FUT6: variants seen among roughly 807,000 people sequenced by gnomAD.
FUT6 encodes 4-galactosyl-N-acetylglucosaminide 3-alpha-L-fucosyltransferase FUT6.
For missense variants in FUT6, 454 were observed against 494.6 expected, an observed-to-expected ratio of 0.92 and a Z score of 0.78; for synonymous variants, 187 against 209.9, an observed-to-expected ratio of 0.89 and a Z score of 0.94.
Position 5,832,028 on chromosome 19 carries a change from G to A in FUT6, c.540C>T (p.His180=), listed in dbSNP as rs754518887. 1 of 1,613,768 alleles carries A rather than the reference G, an allele frequency of 6.2e-7. No homozygotes were observed. Among genetic ancestry groups the A allele is most frequent in the Non-Finnish European group, 8.5e-7 (1 of 1,180,014 alleles). Residue 180 remains histidine, a synonymous_variant, in exon 3 of 3, where the codon CAC becomes CAT. Coordinates refer to ENST00000318336, the MANE Select transcript of FUT6 (RefSeq NM_000150.4). The surrounding 1 kb of genome is among the most constrained non-coding windows in gnomAD (Gnocchi z 4.3). The stretch of plus-strand genomic sequence containing the variant: ...TCTTGGCCGAGAGGTTGAGCGGTGG[G>A]TGGGCAGGCTGGCCGGACCACGGCT... The part of the protein sequence containing the change: ...WLEPWSGQPA[H]PPLNLSAKTE...
At position 5,832,925 on chromosome 19, in the gene FUT6, G is replaced by A. The variant is rs530324432; in HGVS notation, c.-12-346C>T. ...CTCAATCTGGAGAGAAGACACAGCC[G>A]ATCATAAATGCCCCCCAGTGCCCCT... is the stretch of plus-strand genomic sequence containing the variant. On this transcript the variant is annotated intron_variant, in intron 2 of 2. Coordinates refer to ENST00000318336, the MANE Select transcript of FUT6 (RefSeq NM_000150.4). This position sits in a 1 kb window ranked among gnomAD's most constrained non-coding sequence, Gnocchi z 4.3. 11 of 304,542 alleles carry A rather than the reference G, an allele frequency of 3.6e-5. No homozygotes were observed. The highest frequency in any genetic ancestry group is 2.5e-4 in the South Asian group (6 of 23,576). 18.9% of individuals were successfully genotyped at this position (304,542 alleles called of 1,614,324 possible).
At chr19:5,835,912 G>A (rs1398634949) in intron 1 of FUT6, among the ~76,000 whole-genome samples, 1 of 151,734 alleles carries the variant, frequency 6.6e-6, no homozygotes, top group African/African-American at 2.4e-5. Flanking sequence ...TTTTTCATAC[G>A]GAGTCTTGCT....
intron 1 of FUT6, among the ~76,000 whole-genome samples, chr19:5,837,500 C>T (rs35222081): frequency 0.28 from 42,486 of 151,400 alleles, 6,821 homozygotes; most frequent in Non-Finnish European, 0.36. Flanking sequence ...CACGGTGGCT[C>T]ATGCCTGTAG....
rs767710100 is a variant in FUT6 at position 5,831,671 on chromosome 19, C to G, written c.897G>C (p.Lys299Asn). 13 of 1,612,368 alleles carry G rather than the reference C, an allele frequency of 8.1e-6. No homozygotes were observed. The highest frequency in any genetic ancestry group is 1.1e-5 in the Non-Finnish European group (13 of 1,179,620). Residue 299 changes from lysine (K) to asparagine (N), a missense_variant, in exon 3 of 3, where the codon AAG (lysine) becomes AAC (asparagine). Coordinates refer to ENST00000318336, the MANE Select transcript of FUT6 (RefSeq NM_000150.4). The surrounding 1 kb of genome is among the most constrained non-coding windows in gnomAD (Gnocchi z 7.0). Reference sequence around the variant, plus strand: ...GCTCCTGCAGGTACCGGGCCAGGTCCTTGGGGCTCTGGAAGTCGTCCACGT... The same window carrying G: ...GCTCCTGCAGGTACCGGGCCAGGTCGTTGGGGCTCTGGAAGTCGTCCACGT... ...FIHVDDFQSP[K>N]DLARYLQELD...
Position 5,832,153 on chromosome 19 carries a change from G to A in FUT6, c.415C>T (p.Pro139Ser), listed in dbSNP as rs749030104. ...QRWIWFSMES[P>S]SHCWQLKAMD... ...GCTTTCAGCTGCCAGCAGTGGCTTGGGGACTCCATGCTGAACCAGATCCAT... is the reference window on the plus strand; with the variant it reads ...GCTTTCAGCTGCCAGCAGTGGCTTGAGGACTCCATGCTGAACCAGATCCAT... The change falls in exon 3 of 3, where the codon CCA (proline) becomes TCA (serine). Residue 139 changes from proline (P) to serine (S), a missense_variant. Transcript: ENST00000318336. This position sits in a 1 kb window ranked among gnomAD's most constrained non-coding sequence, Gnocchi z 4.3. The A allele has an allele frequency of 2.5e-6, 4 of 1,613,842 alleles. No homozygotes were observed. The East Asian group carries it at 6.7e-5, about 27-fold the overall frequency.
rs2057120222 is a variant in FUT6 at position 5,832,477 on chromosome 19, A to C, written c.91T>G (p.Phe31Val). The stretch of plus-strand genomic sequence containing the variant: ...TCTTGAGACACACGCAGATAGGAGA[A>C]GAAACACACAGCCATCAGCAGCTGA... The part of the protein sequence containing the change: ...LFQLLMAVCF[F>V]SYLRVSQDDP... The change falls in exon 3 of 3, where the codon TTC (phenylalanine) becomes GTC (valine). Residue 31 changes from phenylalanine (F) to valine (V), a missense_variant. By Grantham distance (50) the Phe-to-Val change is conservative. Coordinates refer to ENST00000318336, the MANE Select transcript of FUT6 (RefSeq NM_000150.4). The surrounding 1 kb of genome is among the most constrained non-coding windows in gnomAD (Gnocchi z 4.3). 1.9e-6 allele frequency: 3 copies of C among 1,613,728 alleles called. No individual in the cohort carries two copies. In the South Asian group the frequency reaches 3.3e-5, roughly 18 times the overall value.
chr19:5,836,141 G>A (rs954802393), intron 1 of FUT6, among the ~76,000 whole-genome samples: 1 of 151,672 alleles, frequency 6.6e-6, no homozygotes, highest in Non-Finnish European at 1.5e-5. Flanking sequence ...CACCTGCCTC[G>A]CCTCAGCCTC....
At chr19:5,836,231 T>TTTTC (rs1170143822) in intron 1 of FUT6, among the ~76,000 whole-genome samples, 3 of 30,148 alleles carry the variant, frequency 1.0e-4, no homozygotes, top group African/African-American at 4.7e-4. Context: ...CTTTTCTTTT[T>TTTTC]TGAGACGGAG....
Position 5,831,121 on chromosome 19 carries a change from C to G in FUT6, c.*367G>C, listed in dbSNP as rs2057084213. 1.7e-6 allele frequency: 1 copy of G among 601,728 alleles called. No individual in the cohort carries two copies. Among genetic ancestry groups the G allele is most frequent in the Non-Finnish European group, 2.9e-6 (1 of 339,586 alleles). 37.3% of individuals were successfully genotyped at this position (601,728 alleles called of 1,614,324 possible). On this transcript the variant is annotated 3_prime_UTR_variant, in exon 3 of 3. Coordinates refer to ENST00000318336, the MANE Select transcript of FUT6 (RefSeq NM_000150.4). This position sits in a 1 kb window ranked among gnomAD's most constrained non-coding sequence, Gnocchi z 7.0. ...GCAGGTGAGATTCAGTGTGGAAGGTCTCTGGGAGCAGGTCCCAGCAGGTAA... is the reference window on the plus strand; with the variant it reads ...GCAGGTGAGATTCAGTGTGGAAGGTGTCTGGGAGCAGGTCCCAGCAGGTAA...
At position 5,831,947 on chromosome 19, in the gene FUT6, G is replaced by T. The variant is rs376071099; in HGVS notation, c.621C>A (p.Arg207=). The change falls in exon 3 of 3, where the codon CGC becomes CGA. Residue 207 remains arginine (R), a synonymous_variant. Transcript: ENST00000318336. The surrounding 1 kb of genome is among the most constrained non-coding windows in gnomAD (Gnocchi z 7.0). Reference sequence around the variant, plus strand: ...GATGGGCCTGCAGGCTCTGGTAGTAGCGCACCCTGGCGGAGTTTGGCCCCC... The same window carrying T: ...GATGGGCCTGCAGGCTCTGGTAGTATCGCACCCTGGCGGAGTTTGGCCCCC... The part of the protein sequence containing the change: ...SNWGPNSARV[R]YYQSLQAHLK... 1.9e-6 allele frequency: 3 copies of T among 1,614,000 alleles called. No individual in the cohort carries two copies.
chr19:5,837,239 T>C (rs888751443), intron 1 of FUT6, among the ~76,000 whole-genome samples: 2 of 151,762 alleles, frequency 1.3e-5, no homozygotes, highest in African/African-American at 4.8e-5. Flanking sequence ...AGTTTCACCA[T>C]GTTGGCCAGG....
chr19:5,831,283 C>G lies in FUT6; in HGVS notation c.*205G>C. ...GGGACATACCTGGCCACCGAAGACT[C>G]CAGCAGGTGAGGCCCCAGGAAAGTG... On this transcript the variant is annotated 3_prime_UTR_variant, in exon 3 of 3. Coordinates refer to ENST00000318336, the MANE Select transcript of FUT6 (RefSeq NM_000150.4). This position sits in a 1 kb window ranked among gnomAD's most constrained non-coding sequence, Gnocchi z 7.0. 8.4e-7 allele frequency: 1 copy of G among 1,192,650 alleles called. No individual in the cohort carries two copies. The highest frequency in any genetic ancestry group is 1.2e-5 in the South Asian group (1 of 83,060). The allele number at this position is 1,192,650 out of a possible 1,614,324, so 73.9% of individuals were successfully genotyped here. A position where few individuals can be genotyped will look rare whatever the true frequency, so the allele number is the denominator to read the frequency against.
At chr19:5,833,130 AAGG>A (rs1415932684) in intron 2 of FUT6, among the ~76,000 whole-genome samples, 1 of 152,206 alleles carries the variant, frequency 6.6e-6, no homozygotes, top group Non-Finnish European at 1.5e-5. Flanking sequence ...AGAGAAAGCA[AAGG>A]AAGTACTCAG....
At position 5,831,528 on chromosome 19, in the gene FUT6, G is replaced by C; in HGVS notation, c.1040C>G (p.Ser347Cys). Residue 347 changes from serine (S) to cysteine (C), a missense_variant, in exon 3 of 3, where the codon TCC becomes TGC. Transcript: ENST00000318336. The surrounding 1 kb of genome is among the most constrained non-coding windows in gnomAD (Gnocchi z 7.0). Reference sequence around the variant, plus strand: ...CGCTATGCCGCGTGTCTGGTACCTGGATTCCTCCTGCAGTTTCCAGCAGGC... The same window carrying C: ...CGCTATGCCGCGTGTCTGGTACCTGCATTCCTCCTGCAGTTTCCAGCAGGC... ...CKACWKLQEE[S>C]RYQTRGIAAW... The C allele has an allele frequency of 1.2e-6, 2 of 1,614,180 alleles. No homozygotes were observed. The highest frequency in any genetic ancestry group is 1.7e-6 in the Non-Finnish European group (2 of 1,180,050).
At chr19:5,835,515 G>A (rs905604987) in intron 1 of FUT6, among the ~76,000 whole-genome samples, 2 of 152,164 alleles carry the variant, frequency 1.3e-5, no homozygotes, top group Admixed American at 6.5e-5. Context: ...CGGGCTTGGT[G>A]GCTCATGCTT....
At chr19:5,836,293 G>A (rs1365404356) in intron 1 of FUT6, among the ~76,000 whole-genome samples, 1 of 151,614 alleles carries the variant, frequency 6.6e-6, no homozygotes, top group Non-Finnish European at 1.5e-5. Flanking sequence ...TCAGCTCACT[G>A]CAACCTCCGC....
intron 1 of FUT6, among the ~76,000 whole-genome samples, chr19:5,835,402 G>C (rs1466789240): frequency 6.6e-6 from 1 of 152,142 alleles, no homozygotes; most frequent in Non-Finnish European, 1.5e-5. Flanking sequence ...AGACCCCAAA[G>C]TCTCCCCACC....
Position 5,830,893 on chromosome 19 carries a change from C to T in FUT6, c.*595G>A, listed in dbSNP as rs555548646. ...TGCTGGGATTACAGGTGTGAGCCAC[C>T]GCACCCGGCCTCATCATCGGTTTTC... is the stretch of plus-strand genomic sequence containing the variant. On this transcript the variant is annotated 3_prime_UTR_variant, in exon 3 of 3. Coordinates refer to ENST00000318336, the MANE Select transcript of FUT6 (RefSeq NM_000150.4). 5.4e-4 allele frequency: 135 copies of T among 248,418 alleles called. 4 individuals carry two copies. In the South Asian group the frequency reaches 6.1e-3, roughly 11 times the overall value. The allele number at this position is 248,418 out of a possible 1,614,324, so 15.4% of individuals were successfully genotyped here.
rs765786108 is a variant in FUT6, at chr19:5,831,515, T to C, written c.1053A>G (p.Thr351=). The change falls in exon 3 of 3, where the codon ACA becomes ACG. Residue 351 remains threonine (T), a synonymous_variant. Coordinates refer to ENST00000318336, the MANE Select transcript of FUT6 (RefSeq NM_000150.4). The surrounding 1 kb of genome is among the most constrained non-coding windows in gnomAD (Gnocchi z 7.0). ...AGGTGAACCAAGCCGCTATGCCGCGTGTCTGGTACCTGGATTCCTCCTGCA... is the reference window on the plus strand; with the variant it reads ...AGGTGAACCAAGCCGCTATGCCGCGCGTCTGGTACCTGGATTCCTCCTGCA... ...WKLQEESRYQ[T]RGIAAWFT is the part of the protein sequence containing the mutation. 5.6e-6 allele frequency: 9 copies of C among 1,614,028 alleles called. No homozygotes were observed. The highest frequency in any genetic ancestry group is 1.1e-5 in the South Asian group (1 of 91,074).
Sources: gnomAD v4.1 joint callset for allele counts (sites outside exome capture counted in the v4.1 genomes callset) on GRCh38, gnomAD v4.1.1 for gene constraint, Gnocchi (gnomAD v3.1) non-coding constraint, MANE v1.5 for transcripts, NCBI Gene and HGNC (gene_info 2026-07-23, HGNC 2026-07-21) for gene names.